IGSF10: variants seen among roughly 807,000 people sequenced by gnomAD.
IGSF10 encodes the protein calvaria mechanical force protein 608.
A neutral mutation model predicts 128.2 loss-of-function variants in IGSF10; 126 were observed. That is an observed-to-expected ratio of 0.98 (90% CI 0.85 to 1.14). The LOEUF is 1.14. Ranked by LOEUF, IGSF10 falls within the 50% of genes most tolerant of loss-of-function variation. The probability of loss-of-function intolerance (pLI) is 0.00; values close to 1 mark genes in which losing one functional copy is unlikely to be tolerated. For missense variants in IGSF10, 3,295 were observed against 3,149.8 expected, an observed-to-expected ratio of 1.05 and a Z score of -1.10; for synonymous variants, 1,185 against 1,146.2, an observed-to-expected ratio of 1.03 and a Z score of -0.68.
Position 151,437,670 on chromosome 3 carries a change from G to C in IGSF10, c.6891C>G (p.Thr2297=). The change falls in exon 8 of 8, where the codon ACC becomes ACG. Residue 2297 remains threonine, a synonymous_variant. Coordinates refer to ENST00000282466, the MANE Select transcript of IGSF10 (RefSeq NM_178822.5). ...GSRITVHKNG[T]LEIRNVRLSD... Reference sequence around the variant, plus strand: ...AAAGCCTCACATTCCTAATTTCCAAGGTTCCATTTTTATGGACTGTGATTC... The same window carrying C: ...AAAGCCTCACATTCCTAATTTCCAACGTTCCATTTTTATGGACTGTGATTC... 1.2e-6 allele frequency: 2 copies of C among 1,614,140 alleles called. No homozygotes were observed. The highest frequency in any genetic ancestry group is 1.7e-6 in the Non-Finnish European group (2 of 1,180,034).
chr3:151,569,336 T>G, the IGSF10 span, among the ~76,000 whole-genome samples: 1 of 152,224 alleles, frequency 6.6e-6, no homozygotes, highest in Non-Finnish European at 1.5e-5. Context: ...CCTTCTATAG[T>G]GCCAGAATTA....
chr3:151,510,388 G>A, the IGSF10 span, among the ~76,000 whole-genome samples: 1 of 152,302 alleles, frequency 6.6e-6, no homozygotes, highest in South Asian at 2.1e-4. Flanking sequence ...AACTCCAACA[G>A]ACCTGCAGTC....
the IGSF10 span, among the ~76,000 whole-genome samples, chr3:151,468,211 T>G: frequency 6.6e-6 from 1 of 152,230 alleles, no homozygotes; most frequent in Admixed American, 6.5e-5. Context: ...TATGACTGAA[T>G]TGGTGGCTTT....
the IGSF10 span, among the ~76,000 whole-genome samples, chr3:151,583,393 T>G: frequency 6.6e-6 from 1 of 152,226 alleles, no homozygotes; most frequent in Non-Finnish European, 1.5e-5. Context: ...CATTTCATTA[T>G]AATTCAGTTC....
Position 151,438,504 on chromosome 3 carries a change from T to C in IGSF10, c.6057A>G (p.Arg2019=). The part of the protein sequence containing the change: ...KDSGVYLCVA[R]NKMGDDLILM... ...GTATCAGATCATCCCCCATTTTGTT[T>C]CTTGCCACACACAAGTAGACACCAC... Residue 2019 remains arginine (R), a synonymous_variant, in exon 8 of 8, where the codon AGA becomes AGG. Coordinates refer to ENST00000282466, the MANE Select transcript of IGSF10 (RefSeq NM_178822.5). 1 of 1,614,100 alleles carries C rather than the reference T, an allele frequency of 6.2e-7. No individual in the cohort carries two copies. The highest frequency in any genetic ancestry group is 8.5e-7 in the Non-Finnish European group (1 of 1,180,032).
rs554618449 is a variant in IGSF10, at chr3:151,453,633, G to C, written c.466C>G (p.Arg156Gly). 1.9e-6 allele frequency: 3 copies of C among 1,614,028 alleles called. No homozygotes were observed. In the East Asian group the frequency reaches 6.7e-5, roughly 36 times the overall value. ...TGATTTCCTTCCAAGTGCACCAGGC[G>C]GAGAAAGTTGAGCCCATAAAAAACC... ...PEVFYGLNFLRLVHLEGNQLT... is the reference protein window; with the variant it reads ...PEVFYGLNFLGLVHLEGNQLT... The change falls in exon 5 of 8, where the codon CGC (arginine) becomes GGC (glycine). Residue 156 changes from arginine to glycine, a missense_variant. By Grantham distance (125) the Arg-to-Gly change is moderately radical. Transcript: ENST00000282466.
upstream of IGSF10, among the ~76,000 whole-genome samples, chr3:151,462,655 G>A (rs931329742): frequency 6.6e-6 from 1 of 152,204 alleles, no homozygotes; most frequent in African/African-American, 2.4e-5. Context: ...TAACCATAAA[G>A]TTGTGGCTGC....
At chr3:151,530,524 A>G in the IGSF10 span, among the ~76,000 whole-genome samples, 6 of 152,216 alleles carry the variant, frequency 3.9e-5, no homozygotes, top group African/African-American at 1.4e-4. Context: ...CAGAAACCCT[A>G]CAAGCCAGAA....
chr3:151,585,982 ATTT>A, the IGSF10 span, among the ~76,000 whole-genome samples: 3 of 141,916 alleles, frequency 2.1e-5, no homozygotes, highest in African/African-American at 2.6e-5. Context: ...CACATTAACC[ATTT>A]TTTTTTTTTT....
the IGSF10 span, among the ~76,000 whole-genome samples, chr3:151,552,815 A>T: frequency 6.6e-6 from 1 of 152,306 alleles, no homozygotes; most frequent in African/African-American, 2.4e-5. Context: ...AAAAGAAATG[A>T]CTGCAGTGAT....
At chr3:151,580,303 C>T in the IGSF10 span, among the ~76,000 whole-genome samples, 1 of 152,054 alleles carries the variant, frequency 6.6e-6, no homozygotes, top group Admixed American at 6.6e-5. Flanking sequence ...AATTTATTAT[C>T]AGCCAACTTT....
the IGSF10 span, among the ~76,000 whole-genome samples, chr3:151,503,530 G>A: frequency 6.6e-6 from 1 of 151,900 alleles, no homozygotes; most frequent in Non-Finnish European, 1.5e-5. Context: ...AGTAAACTAA[G>A]AGATATATTA....
chr3:151,579,350 A>G, the IGSF10 span, among the ~76,000 whole-genome samples: 1 of 152,222 alleles, frequency 6.6e-6, no homozygotes. Context: ...AAACAATGCA[A>G]TCAAGAGAAC....
chr3:151,515,944 C>A, the IGSF10 span, among the ~76,000 whole-genome samples: 1 of 151,874 alleles, frequency 6.6e-6, no homozygotes, highest in African/African-American at 2.4e-5. Context: ...TAAAAGCTTT[C>A]CCATGCAACA....
chr3:151,492,768 A>G, the IGSF10 span, among the ~76,000 whole-genome samples: 2 of 134,698 alleles, frequency 1.5e-5, no homozygotes, highest in South Asian at 4.6e-4. Context: ...ACCCCATCAT[A>G]TGACACAGCA....
chr3:151,482,228 A>G, the IGSF10 span, among the ~76,000 whole-genome samples: 3 of 152,208 alleles, frequency 2.0e-5, no homozygotes, highest in Admixed American at 2.0e-4. Context: ...CCAAAAAGAA[A>G]TTCAAAAATT....
chr3:151,485,419 G>A, the IGSF10 span, among the ~76,000 whole-genome samples: 2 of 152,084 alleles, frequency 1.3e-5, no homozygotes, highest in African/African-American at 2.4e-5. Context: ...CTAGCAAGAT[G>A]GCCAACATTC....
In IGSF10 at chr3:151,445,765, T is replaced by G. The variant is rs1721148704; in HGVS notation, c.4216A>C (p.Ser1406Arg). 1.2e-6 allele frequency: 2 copies of G among 1,614,258 alleles called. No homozygotes were observed. The highest frequency in any genetic ancestry group is 4.5e-5 in the East Asian group (2 of 44,882). The change falls in exon 6 of 8, where the codon AGC becomes CGC. Residue 1406 changes from serine to arginine, a missense_variant. By Grantham distance (110) the Ser-to-Arg change is moderately radical. Transcript: ENST00000282466. ...SPPENTTGIS[S>R]TISFHSRTLN... ...GTTCTTGAATGAAAACTGATTGTGC[T>G]TGAAATCCCAGTTGTGTTTTCTGGT... is the stretch of plus-strand genomic sequence containing the variant.
At chr3:151,469,860 G>T in the IGSF10 span, among the ~76,000 whole-genome samples, 2 of 152,330 alleles carry the variant, frequency 1.3e-5, no homozygotes, top group South Asian at 4.1e-4. Flanking sequence ...AAAGGATGAG[G>T]TTGAAGATTT....
Sources: allele counts gnomAD v4.1 joint callset (sites outside exome capture counted in the v4.1 genomes callset), GRCh38; gene constraint gnomAD v4.1.1; transcripts MANE v1.5; gene names NCBI Gene and HGNC (gene_info 2026-07-23, HGNC 2026-07-21).